The following TVP23A variants were observed in gnomAD, a reference collection of about 807,000 sequenced individuals.
TVP23A encodes the protein Golgi apparatus membrane protein TVP23 homolog A.
A neutral mutation model predicts 31.7 loss-of-function variants in TVP23A; 21 were observed. The ratio of observed to expected loss-of-function variants is 0.66; its 90% CI spans 0.47 to 0.95. The LOEUF (loss-of-function observed/expected upper bound fraction) is 0.95, where lower values mean the gene tolerates loss of function less well. Among genes scored for constraint, TVP23A ranks in the 40% least tolerant of loss-of-function variants. TVP23A has a pLI of 0.00. For synonymous variants in TVP23A, 104 were observed against 96.0 expected (o/e 1.08, Z -0.49); for missense variants, 279 against 255.6 (o/e 1.09, Z -0.62).
At position 10,770,325 on chromosome 16, in the gene TVP23A, G is replaced by C; in HGVS notation, c.589C>G (p.Pro197Ala). 6.4e-7 allele frequency: 1 copy of C among 1,551,470 alleles called. No homozygotes were observed. The highest frequency in any genetic ancestry group is 2.0e-5 in the Admixed American group (1 of 50,880). The change falls in exon 7 of 8, where the codon CCA (proline) becomes GCA (alanine). Residue 197 changes from proline to alanine, a missense_variant. By Grantham distance (27) the Pro-to-Ala change is conservative. Coordinates refer to ENST00000299866, the MANE Select transcript of TVP23A (RefSeq NM_001079512.4). ...AGGCCAGGCTTCTGAAAGTCACCTG[G>C]GCAGGCCTGCAAGGGGAAAAGTCAA... ...LSQTVFQTAC[P>A]GDFQKPGLEG...
chr16:10,809,995 T>G (rs1464480768), intron 2 of TVP23A, among the ~76,000 whole-genome samples: 3 of 152,164 alleles, frequency 2.0e-5, no homozygotes, highest in Non-Finnish European at 4.4e-5. Context: ...TGCCCATCAA[T>G]GTATGAATGG....
chr16:10,808,708 T>C (rs1262777818), intron 2 of TVP23A: 9 of 357,614 alleles, frequency 2.5e-5, no homozygotes, highest in Non-Finnish European at 2.2e-5. Flanking sequence ...GCTCAGGGGG[T>C]TGAGGCTGCA....
chr16:10,787,831 T>C (rs1475878776), intron 2 of TVP23A, among the ~76,000 whole-genome samples: 1 of 152,118 alleles, frequency 6.6e-6, no homozygotes, highest in East Asian at 1.9e-4. Context: ...ACCCAGGGTA[T>C]TTACCCCAGA....
downstream of TVP23A, among the ~76,000 whole-genome samples, chr16:10,765,327 TAAAA>T (rs533208449): frequency 3.1e-4 from 35 of 111,258 alleles, 1 homozygote; most frequent in Non-Finnish European, 5.3e-4. The surrounding 1 kb of genome is among the most constrained non-coding windows in gnomAD (Gnocchi z 4.0). Flanking sequence ...CCTCATCTCT[TAAAA>T]AAAAAAAAAA....
intron 2 of TVP23A, among the ~76,000 whole-genome samples, chr16:10,800,043 T>C (rs1446945762): frequency 1.4e-5 from 2 of 143,590 alleles, no homozygotes; most frequent in Admixed American, 1.4e-4. Flanking sequence ...GCACTGGCAG[T>C]AAAAAGTAGT....
At chr16:10,782,173 C>T (rs1309357061) in intron 2 of TVP23A, among the ~76,000 whole-genome samples, 2 of 151,962 alleles carry the variant, frequency 1.3e-5, no homozygotes, top group African/African-American at 2.4e-5. Flanking sequence ...AATAACACAA[C>T]CTTCCCACAC....
At chr16:10,800,123 G>T (rs1200133016) in intron 2 of TVP23A, among the ~76,000 whole-genome samples, 2 of 149,672 alleles carry the variant, frequency 1.3e-5, no homozygotes, top group Non-Finnish European at 3.0e-5. Context: ...TAGAAACAGG[G>T]TCTTGCTATA....
At chr16:10,763,236 T>C (rs925373446), downstream of TVP23A, among the ~76,000 whole-genome samples, 1 of 152,030 alleles carries the variant, frequency 6.6e-6, no homozygotes, top group Non-Finnish European at 1.5e-5. Flanking sequence ...AGGTGGTTCA[T>C]GTCCGTGCAG....
exon 9 of TVP23A, chr16:10,761,485 G>T (rs369337742): frequency 6.2e-7 from 1 of 1,606,456 alleles, no homozygotes; most frequent in South Asian, 1.1e-5. Context: ...GTGAGGGCGC[G>T]TGGGGCTGCC....
chr16:10,758,174 T>G, downstream of TVP23A: 1 of 928,416 alleles, frequency 1.1e-6, no homozygotes, highest in African/African-American at 1.7e-5. Context: ...TGCAGAAACC[T>G]CGTGTTAAAA....
chr16:10,813,882 C>T (rs575292427), intron 2 of TVP23A, among the ~76,000 whole-genome samples: 1 of 151,694 alleles, frequency 6.6e-6, no homozygotes, highest in Admixed American at 6.6e-5. Context: ...ACCTGTAATC[C>T]CAGCTACTCA....
At chr16:10,791,081 TG>T (rs992313580) in intron 2 of TVP23A, among the ~76,000 whole-genome samples, 6 of 152,172 alleles carry the variant, frequency 3.9e-5, no homozygotes, top group African/African-American at 1.2e-4. Flanking sequence ...TACAGGCTTC[TG>T]GGAGATAAAA....
intron 2 of TVP23A, among the ~76,000 whole-genome samples, chr16:10,782,156 C>G (rs1238201074): frequency 3.3e-5 from 5 of 152,084 alleles, no homozygotes; most frequent in African/African-American, 1.2e-4. Flanking sequence ...GCTACCGTAC[C>G]TGGCCAAATA....
chr16:10,773,094 T>G (rs531683217), intron 5 of TVP23A, among the ~76,000 whole-genome samples: 5 of 152,250 alleles, frequency 3.3e-5, no homozygotes, highest in African/African-American at 1.2e-4. Context: ...CCTTCCACCT[T>G]GGCCTCCCAA....
At chr16:10,802,180 C>T (rs1238864770) in intron 2 of TVP23A, among the ~76,000 whole-genome samples, 1 of 150,292 alleles carries the variant, frequency 6.7e-6, no homozygotes, top group South Asian at 2.1e-4. Context: ...TCCTACTGGT[C>T]AACAATGGGA....
chr16:10,818,176 C>T lies in TVP23A; in HGVS notation c.16G>A (p.Val6Met), dbSNP rs1194532534. 10 of 1,604,764 alleles carry T rather than the reference C, an allele frequency of 6.2e-6. No individual in the cohort carries two copies. Among genetic ancestry groups the T allele is most frequent in the African/African-American group, 1.3e-5 (1 of 74,776 alleles). ...AGGGACACATCCTCGGTATCGTCCA[C>T]CAGGGCCTGGGAGGAGAGCAAGGGC... is the stretch of plus-strand genomic sequence containing the variant. MKQAL[V>M]DDTEDVSLDF... Residue 6 changes from valine (V) to methionine (M), a missense_variant, in exon 2 of 8, where the codon GTG becomes ATG. By Grantham distance (21) the Val-to-Met change is conservative (BLOSUM62 1). Coordinates refer to ENST00000299866, the MANE Select transcript of TVP23A (RefSeq NM_001079512.4). This position sits in a 1 kb window ranked among gnomAD's most constrained non-coding sequence, Gnocchi z 4.7.
At chr16:10,758,482 A>G (rs908810225), downstream of TVP23A, among the ~76,000 whole-genome samples, 1 of 152,174 alleles carries the variant, frequency 6.6e-6, no homozygotes, top group African/African-American at 2.4e-5. Flanking sequence ...CAAAAGATAA[A>G]AATAAGAAAA....
chr16:10,791,373 C>T (rs2033093671), intron 2 of TVP23A, among the ~76,000 whole-genome samples: 1 of 152,174 alleles, frequency 6.6e-6, no homozygotes, highest in Admixed American at 6.6e-5. Flanking sequence ...ACTACTTAGG[C>T]AAATAGGGTA....
chr16:10,775,361 T>A (rs2031936816), intron 2 of TVP23A: 1 of 1,263,538 alleles, frequency 7.9e-7, no homozygotes, highest in Admixed American at 3.8e-5. Context: ...AAATATCACT[T>A]GCCCTCTTCG....
Sources: allele counts gnomAD v4.1 joint callset (sites outside exome capture counted in the v4.1 genomes callset), GRCh38; gene constraint gnomAD v4.1.1; non-coding constraint Gnocchi (gnomAD v3.1); transcripts MANE v1.5; gene names NCBI Gene and HGNC (gene_info 2026-07-23, HGNC 2026-07-21).